Variants in PMM2 observed in about 807,000 individuals in gnomAD.
PMM2 encodes phosphomannomutase 2, also known as mannose-6-phosphate isomerase.
Under a neutral mutation model 33.2 loss-of-function variants are expected in PMM2, and 35 were observed. The ratio of observed to expected loss-of-function variants is 1.06; its 90% CI spans 0.81 to 1.40. The LOEUF (loss-of-function observed/expected upper bound fraction) is 1.40. PMM2 is among the 40% of genes most tolerant of loss of function. The probability of loss-of-function intolerance (pLI) is 0.00; values close to 1 mark genes in which losing one functional copy is unlikely to be tolerated. For missense variants in PMM2, 386 were observed against 306.0 expected, an observed-to-expected ratio of 1.26 and a Z score of -1.95; for synonymous variants, 153 against 114.7, an observed-to-expected ratio of 1.33 and a Z score of -2.13.
intron 7 of PMM2, among the ~76,000 whole-genome samples, chr16:8,828,274 G>C (rs1173463134): frequency 6.6e-6 from 1 of 151,890 alleles, no homozygotes; most frequent in Non-Finnish European, 1.5e-5. Context: ...TTAGAGAAAA[G>C]AAAATTTAAG....
intron 4 of PMM2, chr16:8,808,540 A>G (rs778249806): frequency 1.3e-5 from 2 of 152,212 alleles, no homozygotes; most frequent in African/African-American, 2.4e-5. Context: ...GACAACACTA[A>G]CTACATGCCC....
At position 8,847,882 on chromosome 16, in the gene PMM2, G is replaced by A; in HGVS notation, c.*57G>A. The A allele has an allele frequency of 7.3e-7, 1 of 1,369,656 alleles. No individual in the cohort carries two copies. The highest frequency in any genetic ancestry group is 1.0e-6 in the Non-Finnish European group (1 of 967,518). 84.8% of individuals were successfully genotyped at this position (1,369,656 alleles called of 1,614,324 possible). A position where few individuals can be genotyped will look rare whatever the true frequency, so the allele number is the denominator to read the frequency against. ...ACAAGCCAGCATAGGGCATTCGGTG[G>A]CCAGAGCCGAGGGTCCTCCCACACG... On this transcript the variant is annotated 3_prime_UTR_variant, in exon 8 of 8. Coordinates refer to ENST00000268261, the MANE Select transcript of PMM2 (RefSeq NM_000303.3).
rs80338707 is a variant in PMM2, at chr16:8,847,775, G to C, written c.691G>C (p.Val231Leu). The C allele has an allele frequency of 6.2e-7, 1 of 1,614,038 alleles. No individual in the cohort carries two copies. The highest frequency in any genetic ancestry group is 1.7e-5 in the Admixed American group (1 of 60,030). The change falls in exon 8 of 8, where the codon GTG becomes CTG. Residue 231 changes from valine (V) to leucine (L), a missense_variant. By Grantham distance (32) the Val-to-Leu change is conservative. Transcript: ENST00000268261. ...FTDPRTMGYS[V>L]TAPEDTRRIC... ...AGACCCCAGAACCATGGGCTACTCCGTGACAGCGCCTGAGGACACGCGCAG... is the reference window on the plus strand; with the variant it reads ...AGACCCCAGAACCATGGGCTACTCCCTGACAGCGCCTGAGGACACGCGCAG...
At chr16:8,801,758 G>A (rs765019977) in intron 1 of PMM2, 41 bp from the exon 2 acceptor site, 6 of 1,211,414 alleles carry the variant, frequency 5.0e-6, no homozygotes, top group Non-Finnish European at 7.3e-6. Context: ...CCTGATTATT[G>A]TGTGGCTTAT....
At chr16:8,804,031 G>GTTTTTTTTTTTTTTTTTTTTTTTT (rs752484926) in intron 2 of PMM2, among the ~76,000 whole-genome samples, 10 of 87,492 alleles carry the variant, frequency 1.1e-4, no homozygotes, top group African/African-American at 4.1e-4. Flanking sequence ...GGTTTTTTTT[G>GTTTTTTTTTTTTTTTTTTTTTTTT]TTTTTTTTTT....
chr16:8,803,379 G>T (rs2060626897), intron 2 of PMM2, among the ~76,000 whole-genome samples: 1 of 152,180 alleles, frequency 6.6e-6, no homozygotes, highest in African/African-American at 2.4e-5. Flanking sequence ...TCTGCATCTA[G>T]TTGTGTATTT....
At chr16:8,846,778 TC>T (rs1430993479) in intron 7 of PMM2, among the ~76,000 whole-genome samples, 2 of 152,290 alleles carry the variant, frequency 1.3e-5, no homozygotes, top group East Asian at 3.9e-4. Context: ...ACACTGCTGC[TC>T]AGTGGTAGAA....
chr16:8,841,018 C>T (rs2141045635), intron 7 of PMM2, among the ~76,000 whole-genome samples: 1 of 152,168 alleles, frequency 6.6e-6, no homozygotes, highest in East Asian at 1.9e-4. Context: ...TTCAAATGGA[C>T]TGTACCTACC....
rs1241132392 is a variant in PMM2, at chr16:8,847,862, C to G, written c.*37C>G. ...GAGGGGCGGGGTCCCGGCTGACAAGCCAGCATAGGGCATTCGGTGGCCAGA... is the reference window on the plus strand; with the variant it reads ...GAGGGGCGGGGTCCCGGCTGACAAGGCAGCATAGGGCATTCGGTGGCCAGA... On this transcript the variant is annotated 3_prime_UTR_variant, in exon 8 of 8. Coordinates refer to ENST00000268261, the MANE Select transcript of PMM2 (RefSeq NM_000303.3). 7.3e-6 allele frequency: 11 copies of G among 1,500,990 alleles called. No individual in the cohort carries two copies. The highest frequency in any genetic ancestry group is 1.4e-5 in the African/African-American group (1 of 72,782). 93.0% of individuals were successfully genotyped at this position (1,500,990 alleles called of 1,614,324 possible).
chr16:8,803,941 C>G (rs1249568899), intron 2 of PMM2, among the ~76,000 whole-genome samples: 1 of 151,526 alleles, frequency 6.6e-6, no homozygotes, highest in African/African-American at 2.4e-5. Flanking sequence ...ACCTTGGCCT[C>G]CCAAAGTGCT....
chr16:8,833,853 A>G (rs1212756359), intron 7 of PMM2, among the ~76,000 whole-genome samples: 1 of 152,146 alleles, frequency 6.6e-6, no homozygotes, highest in African/African-American at 2.4e-5. Context: ...TCCTGCCAGC[A>G]AAGATTATTT....
intron 7 of PMM2, chr16:8,842,481 G>A (rs1207745715): frequency 6.6e-6 from 1 of 152,212 alleles, no homozygotes; most frequent in Non-Finnish European, 1.5e-5. Flanking sequence ...GCCCAGGTAA[G>A]CTGCTGGGAC....
intron 1 of PMM2, among the ~76,000 whole-genome samples, chr16:8,800,682 G>A (rs139512840): frequency 0.012 from 991 of 85,228 alleles, 21 homozygotes; most frequent in African/African-American, 0.038. Context: ...TTTTTTTTTT[G>A]TTTTGTTTTG....
At chr16:8,829,924 G>A (rs2060800164) in intron 7 of PMM2, among the ~76,000 whole-genome samples, 1 of 152,184 alleles carries the variant, frequency 6.6e-6, no homozygotes, top group Non-Finnish European at 1.5e-5. Context: ...CCTATTCTCT[G>A]TACAATTAGG....
At chr16:8,805,455 G>A (rs986023725) in intron 3 of PMM2, among the ~76,000 whole-genome samples, 2 of 151,872 alleles carry the variant, frequency 1.3e-5, no homozygotes, top group Non-Finnish European at 2.9e-5. Flanking sequence ...AGAACTCCTG[G>A]GCACAGGTGA....
At chr16:8,837,594 A>G (rs1332948133) in intron 7 of PMM2, among the ~76,000 whole-genome samples, 3 of 151,830 alleles carry the variant, frequency 2.0e-5, no homozygotes, top group African/African-American at 7.3e-5. Flanking sequence ...ATTGGGGCAC[A>G]GAGATATAAG....
chr16:8,810,686 C>T (rs1215416466), intron 4 of PMM2: 2 of 324,100 alleles, frequency 6.2e-6, no homozygotes, highest in African/African-American at 2.2e-5. Context: ...ATGGAATCTT[C>T]CTGCCTCAAC....
At chr16:8,827,783 TTTA>T (rs2141034205) in intron 7 of PMM2, among the ~76,000 whole-genome samples, 1 of 82,026 alleles carries the variant, frequency 1.2e-5, no homozygotes, top group African/African-American at 5.0e-5. Flanking sequence ...TATATATATA[TTTA>T]TATATATTTA....
At chr16:8,836,120 G>A (rs1010484939) in intron 7 of PMM2, among the ~76,000 whole-genome samples, 4 of 151,320 alleles carry the variant, frequency 2.6e-5, no homozygotes, top group Non-Finnish European at 5.9e-5. Context: ...CAACAGTTAC[G>A]GAGGCAAGGG....
Sources: gnomAD v4.1 joint callset for allele counts (sites outside exome capture counted in the v4.1 genomes callset) on GRCh38, gnomAD v4.1.1 for gene constraint, MANE v1.5 for transcripts, NCBI Gene and HGNC (gene_info 2026-07-23, HGNC 2026-07-21) for gene names.